The following GALNT13 variants were observed in gnomAD, a reference collection of about 807,000 sequenced individuals.
The protein encoded by GALNT13 is polypeptide N-acetylgalactosaminyltransferase 13.
In GALNT13, 28 loss-of-function variants were observed where a neutral mutation model predicts 64.2. That is an observed-to-expected ratio of 0.44 (90% CI 0.32 to 0.60). The LOEUF (loss-of-function observed/expected upper bound fraction) is 0.60. Ranked by LOEUF, GALNT13 falls within the 20% of genes least tolerant of loss-of-function variation. The pLI is 0.05. For missense variants in GALNT13, 577 were observed against 669.8 expected (o/e 0.86, Z 1.53); for synonymous variants, 214 against 224.6 (o/e 0.95, Z 0.42).
chr2:154,441,137 G>A (rs1005300509), intron 12 of GALNT13, among the ~76,000 whole-genome samples: 1 of 151,948 alleles, frequency 6.6e-6, no homozygotes. Context: ...AAAAGGACAG[G>A]GTCAAATATC....
At chr2:154,200,550 T>C (rs776324204) in intron 4 of GALNT13, among the ~76,000 whole-genome samples, 10 of 152,174 alleles carry the variant, frequency 6.6e-5, no homozygotes, top group Non-Finnish European at 1.5e-4. Flanking sequence ...TCAGGTTCAA[T>C]GTCTTGTGAA....
At chr2:153,741,797 G>T in the GALNT13 span, among the ~76,000 whole-genome samples, 1 of 151,896 alleles carries the variant, frequency 6.6e-6, no homozygotes, top group Non-Finnish European at 1.5e-5. Flanking sequence ...TAACAATTTG[G>T]TGAGTATTCA....
chr2:154,369,095 A>T (rs1697534441), intron 9 of GALNT13, among the ~76,000 whole-genome samples: 1 of 151,298 alleles, frequency 6.6e-6, no homozygotes, highest in Non-Finnish European at 1.5e-5. Flanking sequence ...AAATAAGTAC[A>T]ATTCTGGAAA....
intron 3 of GALNT13, among the ~76,000 whole-genome samples, chr2:154,131,383 T>G (rs1682607131): frequency 6.6e-6 from 1 of 152,224 alleles, no homozygotes; most frequent in Admixed American, 6.5e-5. Flanking sequence ...TGCTACTTAT[T>G]TTTTCTCAGC....
chr2:153,570,195 A>G, the GALNT13 span, among the ~76,000 whole-genome samples: 31 of 152,140 alleles, frequency 2.0e-4, no homozygotes, highest in Non-Finnish European at 3.5e-4. Flanking sequence ...TCTGATGATC[A>G]GTGATGTTGA....
chr2:153,287,873 A>C, the GALNT13 span, among the ~76,000 whole-genome samples: 1 of 152,146 alleles, frequency 6.6e-6, no homozygotes, highest in Non-Finnish European at 1.5e-5. Flanking sequence ...GTCCTCACCT[A>C]GGTCCGTGGG....
At chr2:153,745,384 T>C in the GALNT13 span, among the ~76,000 whole-genome samples, 120 of 152,328 alleles carry the variant, frequency 7.9e-4, 1 homozygote, top group African/African-American at 2.6e-3. Flanking sequence ...TCCTTAGCTA[T>C]TTGATTCCAG....
chr2:154,456,191 T>TTGTTGTTGTTG (rs1702031063), downstream of GALNT13, among the ~76,000 whole-genome samples: 1 of 146,296 alleles, frequency 6.8e-6, no homozygotes, highest in African/African-American at 2.5e-5. Context: ...TTTGTTTTGT[T>TTGTTGTTGTTG]TTGTTGTTGT....
chr2:154,276,540 T>A (rs1691662658), intron 8 of GALNT13, among the ~76,000 whole-genome samples: 1 of 152,210 alleles, frequency 6.6e-6, no homozygotes, highest in Non-Finnish European at 1.5e-5. Flanking sequence ...CCTGTCAGAC[T>A]GTGACTTTTG....
chr2:154,037,279 T>C (rs1200882000), intron 3 of GALNT13, among the ~76,000 whole-genome samples: 2 of 152,174 alleles, frequency 1.3e-5, no homozygotes, highest in Non-Finnish European at 2.9e-5. Flanking sequence ...GGCTGGGTTC[T>C]CCTATAAGAC....
intron 2 of GALNT13, among the ~76,000 whole-genome samples, chr2:153,907,814 G>A (rs1376416864): frequency 2.0e-5 from 3 of 152,006 alleles, no homozygotes; most frequent in South Asian, 2.1e-4. Flanking sequence ...ACCATTGATG[G>A]GCATTTAGGT....
chr2:154,378,732 A>G (rs1042199908), intron 9 of GALNT13, among the ~76,000 whole-genome samples: 2 of 152,010 alleles, frequency 1.3e-5, no homozygotes, highest in Non-Finnish European at 2.9e-5. Flanking sequence ...TTCACATATG[A>G]GTGAGATTAA....
At chr2:153,102,111 C>A in the GALNT13 span, among the ~76,000 whole-genome samples, 33 of 152,112 alleles carry the variant, frequency 2.2e-4, 1 homozygote, top group East Asian at 5.2e-3. Flanking sequence ...CTCCCTTTTG[C>A]TCTGTCAGGG....
intron 2 of GALNT13, among the ~76,000 whole-genome samples, chr2:153,904,287 A>T (rs1297382500): frequency 6.6e-6 from 1 of 151,922 alleles, no homozygotes; most frequent in African/African-American, 2.4e-5. Flanking sequence ...TGCCATAAAC[A>T]TTCTTTTAAA....
At chr2:153,731,907 A>C in the GALNT13 span, among the ~76,000 whole-genome samples, 3 of 151,974 alleles carry the variant, frequency 2.0e-5, no homozygotes, top group Non-Finnish European at 4.4e-5. Flanking sequence ...ATATAAAGTA[A>C]CGGGTTCTAC....
At chr2:153,877,094 G>T (rs2105226554) in intron 1 of GALNT13, among the ~76,000 whole-genome samples, 1 of 152,166 alleles carries the variant, frequency 6.6e-6, no homozygotes, top group East Asian at 1.9e-4. Flanking sequence ...GGAGAAGAAT[G>T]ACTATTATTA....
chr2:154,074,781 A>G (rs1192826215), intron 3 of GALNT13, among the ~76,000 whole-genome samples: 8 of 152,122 alleles, frequency 5.3e-5, no homozygotes, highest in Admixed American at 6.6e-5. Context: ...GGTTAGTTCA[A>G]TATATGCAAA....
the GALNT13 span, among the ~76,000 whole-genome samples, chr2:153,586,482 T>C: frequency 1.3e-5 from 2 of 152,188 alleles, no homozygotes; most frequent in African/African-American, 4.8e-5. Flanking sequence ...AAGGGATTAA[T>C]TCAGCAATTC....
the GALNT13 span, among the ~76,000 whole-genome samples, chr2:153,722,522 G>A: frequency 6.7e-6 from 1 of 149,288 alleles, no homozygotes; most frequent in Admixed American, 6.6e-5. Context: ...TCCAGGAGCT[G>A]GTTTTTTGAA....
Sources: allele counts gnomAD v4.1 joint callset (sites outside exome capture counted in the v4.1 genomes callset), GRCh38; gene constraint gnomAD v4.1.1; transcripts MANE v1.5; gene names NCBI Gene and HGNC (gene_info 2026-07-23, HGNC 2026-07-21).